Variants in LMO7 observed in about 807,000 individuals in gnomAD.
LMO7 encodes LIM domain only protein 7.
Under a neutral mutation model 206.5 loss-of-function variants are expected in LMO7, and 120 were observed. The ratio of observed to expected loss-of-function variants is 0.58; its 90% CI spans 0.50 to 0.68. LMO7 has a LOEUF of 0.68. Ranked by LOEUF, LMO7 falls within the 30% of genes least tolerant of loss-of-function variation. LMO7 has a pLI of 0.00. For missense variants in LMO7, 1,959 were observed against 1,957.9 expected (o/e 1.00, Z -0.01); for synonymous variants, 706 against 681.5 (o/e 1.04, Z -0.56).
At chr13:75,745,088 G>A (rs144599079) in intron 3 of LMO7, among the ~76,000 whole-genome samples, 1 of 152,292 alleles carries the variant, frequency 6.6e-6, no homozygotes, top group East Asian at 1.9e-4. Context: ...ACAGGCTCAG[G>A]GACATCTTTC....
chr13:75,719,418 G>T (rs2043834138), intron 2 of LMO7, among the ~76,000 whole-genome samples: 1 of 152,168 alleles, frequency 6.6e-6, no homozygotes, highest in South Asian at 2.1e-4. Context: ...GAACATCCAT[G>T]ATATGGTTTG....
intron 2 of LMO7, chr13:75,628,550 C>T (rs1276254721): frequency 6.6e-6 from 1 of 152,142 alleles, no homozygotes; most frequent in East Asian, 1.9e-4. Context: ...TCTTATTAAA[C>T]TTATTTTTAA....
At chr13:75,855,059 CAG>C (rs1257540867) in intron 28 of LMO7, 199 bp from the exon 29 acceptor site, 5 of 500,918 alleles carry the variant, frequency 1.0e-5, no homozygotes, top group African/African-American at 9.6e-5. Context: ...TCAAGGGTCT[CAG>C]AGCTGCCATG....
intron 1 of LMO7, among the ~76,000 whole-genome samples, chr13:75,699,630 G>A (rs1363195629): frequency 4.6e-5 from 7 of 152,058 alleles, no homozygotes; most frequent in Non-Finnish European, 5.9e-5. Flanking sequence ...GGGAGTGTAC[G>A]AATAGGGCGT....
At chr13:75,845,519 T>C (rs2059917822) in intron 26 of LMO7, 140 bp downstream of exon 26, 1 of 544,628 alleles carries the variant, frequency 1.8e-6, no homozygotes, top group Non-Finnish European at 3.3e-6. Flanking sequence ...AACCTCTGTA[T>C]ATAAAAACAG....
intron 3 of LMO7, among the ~76,000 whole-genome samples, chr13:75,737,918 A>G (rs1428205806): frequency 6.8e-6 from 1 of 147,714 alleles, no homozygotes; most frequent in East Asian, 2.0e-4. Flanking sequence ...CATTTCCAGC[A>G]GAATTTTTTT....
chr13:75,668,463 G>A lies in LMO7; in HGVS notation c.69+31737G>A, dbSNP rs149304648. On this transcript the variant is annotated intron_variant, in intron 1 of 30. Coordinates refer to ENST00000377534, the MANE Select transcript of LMO7 (RefSeq NM_001306080.2). ...ACTTTCCAGTGACTGTGGCTGTCCT[G>A]AACTCTGTCCTCTTATTTCTGAAGG... 2.9e-3 allele frequency among the ~76,000 whole-genome samples: 440 copies of A among 152,248 alleles called. 4 individuals carry two copies. Among genetic ancestry groups the A allele is most frequent in the Non-Finnish European group, 4.6e-3 (315 of 68,022 alleles).
intron 9 of LMO7, 109 bp from the exon 10 acceptor site, chr13:75,807,371 G>T: frequency 8.9e-7 from 1 of 1,127,066 alleles, no homozygotes; most frequent in South Asian, 1.6e-5. Flanking sequence ...TTTACCCTCA[G>T]TAACTGGCTA....
intron 4 of LMO7, among the ~76,000 whole-genome samples, chr13:75,763,141 G>A (rs1394008799): frequency 5.3e-5 from 8 of 152,110 alleles, no homozygotes; most frequent in Admixed American, 5.2e-4. Flanking sequence ...TCAACTGGGG[G>A]CAGTTTTGCC....
At chr13:75,633,010 T>C (rs370550932), upstream of LMO7, among the ~76,000 whole-genome samples, 39 of 151,908 alleles carry the variant, frequency 2.6e-4, no homozygotes, top group South Asian at 2.5e-3. Flanking sequence ...TACAGGTGGC[T>C]GCCACCACAC....
At chr13:75,725,183 G>A (rs1215407499) in intron 2 of LMO7, among the ~76,000 whole-genome samples, 1 of 151,986 alleles carries the variant, frequency 6.6e-6, no homozygotes, top group African/African-American at 2.4e-5. Context: ...TATGAAACCT[G>A]TAATATAAAA....
rs1464479192 is a variant in LMO7 at position 75,841,982 on chromosome 13, A to G, written c.4030A>G (p.Arg1344Gly). The stretch of plus-strand genomic sequence containing the variant: ...ATCAGTCAGAATATACCAGTACAGG[A>G]GGTATGTCCCCACAGCCAGAGGGTA... ...ETSVRIYQYRRPVDSYDIPKT... is the reference protein window; with the variant it reads ...ETSVRIYQYRGPVDSYDIPKT... Residue 1344 changes from arginine (R) to glycine (G), a missense_variant and splice_region_variant, in exon 24 of 31, where the codon AGG becomes GGG. Transcript: ENST00000377534. 2 of 1,604,944 alleles carry G rather than the reference A, an allele frequency of 1.2e-6. No individual in the cohort carries two copies. The highest frequency in any genetic ancestry group is 2.2e-5 in the South Asian group (2 of 90,650).
At chr13:75,685,832 T>G (rs2040925310) in intron 1 of LMO7, among the ~76,000 whole-genome samples, 3 of 151,836 alleles carry the variant, frequency 2.0e-5, no homozygotes, top group South Asian at 4.2e-4. Flanking sequence ...CTTACATCAA[T>G]TCACTGGGAA....
At chr13:75,710,914 A>G (rs1453503240) in intron 1 of LMO7, among the ~76,000 whole-genome samples, 3 of 151,950 alleles carry the variant, frequency 2.0e-5, no homozygotes, top group Non-Finnish European at 4.4e-5. Context: ...TTGCCCATTC[A>G]TTATGATATT....
At chr13:75,799,881 G>A (rs2054514252) in intron 6 of LMO7, among the ~76,000 whole-genome samples, 1 of 152,166 alleles carries the variant, frequency 6.6e-6, no homozygotes, top group Non-Finnish European at 1.5e-5. Context: ...ATTCACAGAA[G>A]AATGTTAGTT....
At chr13:75,659,245 A>G (rs1056820570) in intron 1 of LMO7, among the ~76,000 whole-genome samples, 1 of 152,230 alleles carries the variant, frequency 6.6e-6, no homozygotes, top group African/African-American at 2.4e-5. Context: ...AATATTCATT[A>G]CAATCGAATA....
intron 13 of LMO7, among the ~76,000 whole-genome samples, chr13:75,820,081 C>T (rs2057423859): frequency 6.6e-6 from 1 of 152,078 alleles, no homozygotes; most frequent in Non-Finnish European, 1.5e-5. Context: ...CTGTGTGAAA[C>T]ATCAGGATAT....
At chr13:75,646,145 C>A (rs2036989314) in intron 1 of LMO7, among the ~76,000 whole-genome samples, 1 of 152,154 alleles carries the variant, frequency 6.6e-6, no homozygotes, top group Non-Finnish European at 1.5e-5. Flanking sequence ...ATTGTTCAGC[C>A]AGTTGCTCAG....
chr13:75,684,959 G>T (rs753461587), intron 1 of LMO7, among the ~76,000 whole-genome samples: 2 of 152,066 alleles, frequency 1.3e-5, no homozygotes, highest in Non-Finnish European at 1.5e-5. Context: ...AATTGTAGCG[G>T]CCCCTTTAAG....
Sources: gnomAD v4.1 joint callset for allele counts (sites outside exome capture counted in the v4.1 genomes callset) on GRCh38, gnomAD v4.1.1 for gene constraint, MANE v1.5 for transcripts, NCBI Gene and HGNC (gene_info 2026-07-23, HGNC 2026-07-21) for gene names.